Variants in FILIP1 observed in about 807,000 individuals in gnomAD.
FILIP1 encodes the protein filamin A interacting protein 1, also known as filamin-A-interacting protein 1.
In FILIP1, 61 loss-of-function variants were observed where a neutral mutation model predicts 102.1. The ratio of observed to expected loss-of-function variants is 0.60; its 90% CI spans 0.49 to 0.74. FILIP1 has a LOEUF of 0.74. FILIP1 is among the 30% of genes least tolerant of loss of function. The pLI, the probability that FILIP1 is intolerant of heterozygous loss-of-function variation, is 0.00. For missense variants in FILIP1, 1,314 were observed against 1,441.2 expected (o/e 0.91, Z 1.43); for synonymous variants, 491 against 526.9 (o/e 0.93, Z 0.93).
intron 2 of FILIP1, among the ~76,000 whole-genome samples, chr6:75,373,576 G>T (rs1259061535): frequency 5.3e-5 from 8 of 151,050 alleles, no homozygotes; most frequent in East Asian, 1.9e-4. Context: ...AAGTGCTAGG[G>T]TTACAGGCGT....
chr6:75,349,914 T>C (rs1054715977), intron 4 of FILIP1, among the ~76,000 whole-genome samples: 3 of 152,120 alleles, frequency 2.0e-5, no homozygotes, highest in Non-Finnish European at 2.9e-5. Flanking sequence ...ACCGCTTACT[T>C]CAAAAAGAGG....
At chr6:75,400,474 A>G (rs1776618083) in intron 2 of FILIP1, among the ~76,000 whole-genome samples, 1 of 152,186 alleles carries the variant, frequency 6.6e-6, no homozygotes, top group South Asian at 2.1e-4. Context: ...AGATGAGTTT[A>G]CCTAAGTGAG....
intron 1 of FILIP1, among the ~76,000 whole-genome samples, chr6:75,445,480 T>G (rs1486064034): frequency 6.6e-6 from 1 of 152,180 alleles, no homozygotes; most frequent in Non-Finnish European, 1.5e-5. Flanking sequence ...CAAGCATTAC[T>G]TTCCCTTCCC....
intron 4 of FILIP1, among the ~76,000 whole-genome samples, chr6:75,327,654 G>T (rs920295481): frequency 2.6e-5 from 4 of 151,086 alleles, no homozygotes; most frequent in African/African-American, 7.3e-5. Flanking sequence ...ATATATTTAA[G>T]AAACTAGTTT....
At chr6:75,427,209 T>C (rs1001710642) in intron 1 of FILIP1, among the ~76,000 whole-genome samples, 3 of 152,126 alleles carry the variant, frequency 2.0e-5, no homozygotes, top group Non-Finnish European at 4.4e-5. Context: ...AATATATAGA[T>C]TAAGTTCTCT....
intron 2 of FILIP1, among the ~76,000 whole-genome samples, chr6:75,373,501 T>C (rs1323444025): frequency 1.3e-5 from 2 of 152,158 alleles, no homozygotes; most frequent in Non-Finnish European, 2.9e-5. Context: ...GATGGAGCCT[T>C]GCCATGTTGT....
chr6:75,420,577 T>G (rs1201550135), intron 1 of FILIP1, among the ~76,000 whole-genome samples: 1 of 152,182 alleles, frequency 6.6e-6, no homozygotes, highest in African/African-American at 2.4e-5. Flanking sequence ...AGTCTTACCT[T>G]TCAATGCCTC....
chr6:75,310,155 C>A (rs1372493633), intron 5 of FILIP1, among the ~76,000 whole-genome samples: 1 of 152,252 alleles, frequency 6.6e-6, no homozygotes, highest in African/African-American at 2.4e-5. Context: ...CCCAAGCACG[C>A]CAGGCTCCTT....
chr6:75,398,809 T>C (rs895878064), intron 2 of FILIP1: 1 of 151,976 alleles, frequency 6.6e-6, no homozygotes, highest in South Asian at 2.1e-4. Flanking sequence ...ACATGAATAG[T>C]GTAAGCCAGC....
intron 1 of FILIP1, among the ~76,000 whole-genome samples, chr6:75,426,939 G>A (rs1215432445): frequency 1.3e-5 from 2 of 152,118 alleles, no homozygotes; most frequent in African/African-American, 4.8e-5. Flanking sequence ...AACCAGTCCC[G>A]ATGGCAGCAG....
rs547723544 is a variant in FILIP1, at chr6:75,302,472, A to C, written c.3493+6368T>G. ...TGTACAGCAGTGGACAGGCCTTTAA[A>C]CCCCAGGGTAGATTCTGAAATAATA... On this transcript the variant is annotated intron_variant, in intron 6 of 6. Transcript: ENST00000393004. 3.9e-5 allele frequency among the ~76,000 whole-genome samples: 6 copies of C among 152,206 alleles called. No homozygotes were observed. The South Asian group carries it at 1.2e-3, about 32-fold the overall frequency.
Position 75,418,796 on chromosome 6 carries a change from T to C in FILIP1, c.-6-3818A>G, listed in dbSNP as rs938604268. On this transcript the variant is annotated intron_variant, in intron 1 of 5. Coordinates refer to ENST00000237172, the MANE Select transcript of FILIP1 (RefSeq NM_015687.5). Reference sequence around the variant, plus strand: ...CCCTTTTTAAAAAATCAGTGTTAACTGGAGCACAGATGCTTCTCTTTGATA... The same window carrying C: ...CCCTTTTTAAAAAATCAGTGTTAACCGGAGCACAGATGCTTCTCTTTGATA... Among the ~76,000 whole-genome samples the C allele has an allele frequency of 4.6e-5, 7 of 152,350 alleles. No individual in the cohort carries two copies. In the East Asian group the frequency reaches 1.3e-3, roughly 29 times the overall value.
intron 1 of FILIP1, chr6:75,458,685 A>G (rs1778922683): frequency 6.6e-6 from 1 of 152,126 alleles, no homozygotes; most frequent in South Asian, 2.1e-4. Context: ...TCTTTTCCCT[A>G]CCCCAAATTT....
intron 1 of FILIP1, among the ~76,000 whole-genome samples, chr6:75,486,563 G>C (rs2149785021): frequency 6.6e-6 from 1 of 152,214 alleles, no homozygotes; most frequent in Middle Eastern, 3.4e-3. Context: ...CTAGGTGGAG[G>C]TGTTCCATAA....
intron 4 of FILIP1, among the ~76,000 whole-genome samples, chr6:75,326,506 A>C (rs1289351329): frequency 6.6e-6 from 1 of 152,200 alleles, no homozygotes; most frequent in Non-Finnish European, 1.5e-5. Flanking sequence ...AAAAACTATT[A>C]AAATAAAATA....
At chr6:75,486,118 T>C (rs1234596815) in intron 1 of FILIP1, among the ~76,000 whole-genome samples, 1 of 152,170 alleles carries the variant, frequency 6.6e-6, no homozygotes, top group Non-Finnish European at 1.5e-5. Context: ...TAAATGTTTA[T>C]GACCAAGGTA....
chr6:75,333,987 G>A (rs752818430), intron 4 of FILIP1, among the ~76,000 whole-genome samples: 5 of 152,088 alleles, frequency 3.3e-5, no homozygotes, highest in African/African-American at 7.2e-5. Flanking sequence ...TCTTTGGATC[G>A]CTATGCATTC....
intron 1 of FILIP1, among the ~76,000 whole-genome samples, chr6:75,418,296 C>G (rs1777338827): frequency 1.3e-5 from 2 of 152,226 alleles, no homozygotes; most frequent in Admixed American, 1.3e-4. Context: ...GACACTCTTG[C>G]AACACTCACA....
rs1253967419 is a variant in FILIP1, at chr6:75,362,970, T to C, written c.277-53A>G. ...ACGACTGACAATGTAAATCGCATAC[T>C]GGGCTCAAAAAATCAACAGAGAGCT... On this transcript the variant is annotated intron_variant, in intron 2 of 5. Transcript: ENST00000237172. 5.8e-6 allele frequency: 9 copies of C among 1,563,606 alleles called. 1 individual carries two copies. The Admixed American group carries it at 6.9e-5, about 12-fold the overall frequency.
Sources: allele counts gnomAD v4.1 joint callset (sites outside exome capture counted in the v4.1 genomes callset), GRCh38; gene constraint gnomAD v4.1.1; transcripts MANE v1.5; gene names NCBI Gene and HGNC (gene_info 2026-07-23, HGNC 2026-07-21).